Variants in SGPL1 observed in about 807,000 individuals in gnomAD.
SGPL1 encodes SP-lyase 1.
SGPL1 carries 37 observed loss-of-function variants against 68.9 expected under a neutral mutation model. That is an observed-to-expected ratio of 0.54 (90% CI 0.41 to 0.71). The LOEUF is 0.71. Among genes scored for constraint, SGPL1 ranks in the 30% least tolerant of loss-of-function variants. The pLI is 0.00. For synonymous variants in SGPL1, 236 were observed against 248.5 expected (o/e 0.95, Z 0.47); for missense variants, 551 against 704.6 (o/e 0.78, Z 2.47).
At chr10:70,818,912 T>TC (rs1362183919) in intron 2 of SGPL1, among the ~76,000 whole-genome samples, 7 of 152,288 alleles carry the variant, frequency 4.6e-5, no homozygotes, top group African/African-American at 1.7e-4. Flanking sequence ...ATCTCCTACA[T>TC]CCCCTTCATT....
At chr10:70,837,842 A>G (rs1018350088) in intron 2 of SGPL1, among the ~76,000 whole-genome samples, 1 of 152,202 alleles carries the variant, frequency 6.6e-6, no homozygotes, top group African/African-American at 2.4e-5. Context: ...GAGGCTGGGA[A>G]GTCCAAGAGC....
chr10:70,821,487 G>A (rs892256424), intron 2 of SGPL1, among the ~76,000 whole-genome samples: 1 of 152,132 alleles, frequency 6.6e-6, no homozygotes, highest in Non-Finnish European at 1.5e-5. Flanking sequence ...TGCTAGGTGG[G>A]GTTTGAGTGA....
intron 2 of SGPL1, among the ~76,000 whole-genome samples, chr10:70,839,889 C>T (rs1312901147): frequency 6.6e-6 from 1 of 150,934 alleles, no homozygotes; most frequent in Non-Finnish European, 1.5e-5. Context: ...CTAATGATAG[C>T]TGATGAGCTT....
intron 7 of SGPL1, among the ~76,000 whole-genome samples, chr10:70,863,742 A>C (rs1203419439): frequency 6.6e-6 from 1 of 152,200 alleles, no homozygotes; most frequent in East Asian, 1.9e-4. Context: ...TTCTTGAAAG[A>C]TTGCTATTTT....
intron 6 of SGPL1, among the ~76,000 whole-genome samples, chr10:70,858,917 A>G (rs773085602): frequency 1.3e-5 from 2 of 152,198 alleles, no homozygotes; most frequent in Non-Finnish European, 2.9e-5. Context: ...AGCACTCTGT[A>G]CACACACCTG....
chr10:70,834,856 G>T (rs1589452260), intron 2 of SGPL1, among the ~76,000 whole-genome samples: 1 of 152,222 alleles, frequency 6.6e-6, no homozygotes, highest in South Asian at 2.1e-4. Flanking sequence ...TAAACCAGAA[G>T]ATTTGAGTCC....
intron 2 of SGPL1, among the ~76,000 whole-genome samples, chr10:70,840,342 C>T (rs1845695286): frequency 6.6e-6 from 1 of 152,060 alleles, no homozygotes; most frequent in African/African-American, 2.4e-5. Flanking sequence ...TTCCCTTCAG[C>T]TCTTACATTC....
At chr10:70,873,733 C>T in intron 12 of SGPL1, 144 bp downstream of exon 12, 2 of 691,564 alleles carry the variant, frequency 2.9e-6, no homozygotes, top group Non-Finnish European at 5.1e-6. Flanking sequence ...CAGCTTAGGG[C>T]TTAGGCCAGA....
rs920404786 is a variant in SGPL1, at chr10:70,877,982, T to A, written c.*647T>A. The A allele has an allele frequency of 6.6e-6, 1 of 152,160 alleles. No individual in the cohort carries two copies. Among genetic ancestry groups the A allele is most frequent in the Admixed American group, 6.6e-5 (1 of 15,262 alleles). The allele number at this position is 152,160 out of a possible 1,614,324, so 9.4% of individuals were successfully genotyped here. On this transcript the variant is annotated 3_prime_UTR_variant, in exon 15 of 15. Transcript: ENST00000373202. ...GGCACCCACCACCACGCCTGGCTAA[T>A]TTTTCAATTTTCTTTTTCAGTAGAG... is the stretch of plus-strand genomic sequence containing the variant.
rs1239023382 is a variant in SGPL1, at chr10:70,879,659, T to G, written c.*2324T>G. ...TCCCCAGAACCAGACCCCGAGCCAC[T>G]CGCTTCCTCTGTGCTGTGACAACAT... On this transcript the variant is annotated 3_prime_UTR_variant, in exon 15 of 15. Coordinates refer to ENST00000373202, the MANE Select transcript of SGPL1 (RefSeq NM_003901.4). The G allele has an allele frequency of 6.6e-6, 1 of 152,366 alleles. No individual in the cohort carries two copies. The highest frequency in any genetic ancestry group is 1.5e-5 in the Non-Finnish European group (1 of 68,126). 9.4% of individuals were successfully genotyped at this position (152,366 alleles called of 1,614,324 possible).
intron 2 of SGPL1, among the ~76,000 whole-genome samples, chr10:70,829,439 G>A (rs1025369565): frequency 6.6e-6 from 1 of 152,158 alleles, no homozygotes; most frequent in Non-Finnish European, 1.5e-5. Context: ...GCTTATTGAA[G>A]AGAAAAGGAA....
intron 2 of SGPL1, among the ~76,000 whole-genome samples, chr10:70,820,961 T>G (rs931011317): frequency 2.0e-5 from 3 of 152,202 alleles, no homozygotes; most frequent in African/African-American, 7.2e-5. Context: ...ACTACTTGTG[T>G]GGACAGTATG....
intron 7 of SGPL1, among the ~76,000 whole-genome samples, chr10:70,864,137 A>G (rs1846135221): frequency 6.6e-6 from 1 of 152,100 alleles, no homozygotes; most frequent in Non-Finnish European, 1.5e-5. Flanking sequence ...CTCAAGGTAT[A>G]TAATATTGCT....
At chr10:70,842,191 A>T (rs1246507707) in intron 2 of SGPL1, among the ~76,000 whole-genome samples, 1 of 152,058 alleles carries the variant, frequency 6.6e-6, no homozygotes, top group East Asian at 1.9e-4. Flanking sequence ...CATTTACATT[A>T]TTTTTTCCCT....
chr10:70,840,661 G>A (rs1023846094), intron 2 of SGPL1, among the ~76,000 whole-genome samples: 1 of 152,116 alleles, frequency 6.6e-6, no homozygotes, highest in Admixed American at 6.5e-5. Flanking sequence ...TCTGTCTTTG[G>A]TGTTAAAGAA....
rs202014723 is a variant in SGPL1, at chr10:70,844,940, A to ATG, written c.193+304_193+305dup. Among the ~76,000 whole-genome samples the ATG allele has an allele frequency of 6.1e-3, 927 of 152,182 alleles. 12 individuals are homozygous for ATG. Among genetic ancestry groups the ATG allele is most frequent in the African/African-American group, 0.021 (877 of 41,502 alleles). On this transcript the variant is annotated intron_variant, in intron 3 of 14. Transcript: ENST00000373202. The stretch of plus-strand genomic sequence containing the variant: ...TTTTTAGTGGAGATGGGGTTTCACC[A>ATG]TGTTGGTCAGGATGGTCTTGATCTC...
At chr10:70,823,760 A>T (rs2131849720) in intron 2 of SGPL1, among the ~76,000 whole-genome samples, 1 of 151,324 alleles carries the variant, frequency 6.6e-6, no homozygotes, top group East Asian at 1.9e-4. Flanking sequence ...TTACAAAAAA[A>T]TCAGGAAATA....
chr10:70,825,638 C>T (rs1430880753), intron 2 of SGPL1, among the ~76,000 whole-genome samples: 1 of 152,174 alleles, frequency 6.6e-6, no homozygotes, highest in African/African-American at 2.4e-5. Context: ...ATCTTAATTG[C>T]CTGGAGGGCC....
intron 2 of SGPL1, among the ~76,000 whole-genome samples, chr10:70,828,432 A>G (rs1693431609): frequency 6.6e-6 from 1 of 152,128 alleles, no homozygotes; most frequent in Non-Finnish European, 1.5e-5. Context: ...AACCATCCTC[A>G]TTGAGAAGCC....
Sources: allele counts gnomAD v4.1 joint callset (sites outside exome capture counted in the v4.1 genomes callset), GRCh38; gene constraint gnomAD v4.1.1; transcripts MANE v1.5; gene names NCBI Gene and HGNC (gene_info 2026-07-23, HGNC 2026-07-21).